PCDHA8: variants seen among roughly 807,000 people sequenced by gnomAD.
PCDHA8 encodes the protein protocadherin alpha 8.
In PCDHA8, 53 loss-of-function variants were observed where a neutral mutation model predicts 61.8. That is an observed-to-expected ratio of 0.86 (90% CI 0.69 to 1.08). PCDHA8 has a LOEUF of 1.08. PCDHA8 is among the 50% of genes least tolerant of loss of function. The pLI is 0.00. For synonymous variants in PCDHA8, 618 were observed against 556.6 expected, an observed-to-expected ratio of 1.11 and a Z score of -1.55; for missense variants, 1,293 against 1,245.0, an observed-to-expected ratio of 1.04 and a Z score of -0.58.
intron 1 of PCDHA8, chr5:140,882,780 G>T: frequency 1.2e-6 from 2 of 1,614,160 alleles, no homozygotes; most frequent in Non-Finnish European, 1.7e-6. Context: ...TTGACCTACC[G>T]ACTGGATCCC....
intron 1 of PCDHA8, chr5:140,876,882 G>C: frequency 1.2e-6 from 2 of 1,614,140 alleles, no homozygotes; most frequent in Non-Finnish European, 1.7e-6. Context: ...ACAACCCGCC[G>C]GGCTGCCACA....
chr5:140,946,997 C>A (rs2094069050), intron 1 of PCDHA8, among the ~76,000 whole-genome samples: 1 of 151,382 alleles, frequency 6.6e-6, no homozygotes. Context: ...GTTCTAACTT[C>A]AAAGAAATGA....
intron 1 of PCDHA8, among the ~76,000 whole-genome samples, chr5:140,978,653 G>T (rs527551897): frequency 6.6e-6 from 1 of 152,196 alleles, no homozygotes; most frequent in Non-Finnish European, 1.5e-5. Flanking sequence ...TGTTCTTCCC[G>T]TAGTGTTTTA....
intron 1 of PCDHA8, among the ~76,000 whole-genome samples, chr5:140,895,298 C>A (rs1208960325): frequency 6.6e-6 from 1 of 151,928 alleles, no homozygotes; most frequent in Non-Finnish European, 1.5e-5. Context: ...CCTTCGATTT[C>A]CCCCCTTCCA....
At chr5:140,870,941 C>A in intron 1 of PCDHA8, 1 of 1,613,712 alleles carries the variant, frequency 6.2e-7, no homozygotes, top group Non-Finnish European at 8.5e-7. Context: ...TTGCAGCCGG[C>A]GGCGGGCGGC....
chr5:141,000,385 C>CTA (rs2097909674), intron 3 of PCDHA8, among the ~76,000 whole-genome samples: 1 of 64,994 alleles, frequency 1.5e-5, no homozygotes, highest in Non-Finnish European at 2.9e-5. Context: ...CTCTCTCTCT[C>CTA]TCTCTCTCTC....
At chr5:141,008,712 T>G (rs1554261909) in intron 3 of PCDHA8, among the ~76,000 whole-genome samples, 1 of 152,210 alleles carries the variant, frequency 6.6e-6, no homozygotes, top group Non-Finnish European at 1.5e-5. Flanking sequence ...TCTAGTTGCT[T>G]GAGTGTATGT....
chr5:140,988,411 A>G (rs2097296392), intron 3 of PCDHA8, among the ~76,000 whole-genome samples: 1 of 152,144 alleles, frequency 6.6e-6, no homozygotes, highest in South Asian at 2.1e-4. Context: ...TTCGCAGCTT[A>G]TGTAAAGAAT....
chr5:140,850,685 C>G lies in PCDHA8; in HGVS notation c.2394+6970C>G, dbSNP rs1390345550. ...GGTGCTCGGCGATGCCCACCGAGGGCGAGTGCGCGCCTGGCAAGCCGACGC... is the reference window on the plus strand; with the variant it reads ...GGTGCTCGGCGATGCCCACCGAGGGGGAGTGCGCGCCTGGCAAGCCGACGC... On this transcript the variant is annotated intron_variant, in intron 1 of 3. Transcript: ENST00000531613. 25 of 1,598,270 alleles carry G rather than the reference C, an allele frequency of 1.6e-5. 2 individuals are homozygous for G. The highest frequency in any genetic ancestry group is 1.7e-4 in the Middle Eastern group (1 of 6,016).
intron 1 of PCDHA8, among the ~76,000 whole-genome samples, chr5:140,886,184 G>T (rs894479887): frequency 6.6e-6 from 1 of 151,966 alleles, no homozygotes; most frequent in Admixed American, 6.6e-5. Flanking sequence ...GCCTAATGCT[G>T]GCAAGCAGTA....
intron 1 of PCDHA8, chr5:140,966,689 G>A (rs1002366053): frequency 2.2e-6 from 3 of 1,343,650 alleles, no homozygotes; most frequent in Non-Finnish European, 2.9e-6. Context: ...GAGCGGAGGC[G>A]GGGCCCGGGC....
At chr5:140,998,095 CA>C (rs1482651958) in intron 3 of PCDHA8, among the ~76,000 whole-genome samples, 1 of 152,106 alleles carries the variant, frequency 6.6e-6, no homozygotes, top group Non-Finnish European at 1.5e-5. Flanking sequence ...AATGCTAGAG[CA>C]AACAGAGGAG....
At chr5:140,867,855 G>A (rs1340065029) in intron 1 of PCDHA8, 1 of 152,094 alleles carries the variant, frequency 6.6e-6, no homozygotes, top group South Asian at 2.1e-4. Context: ...TAGTTGAATT[G>A]TTTGATTAAT....
At chr5:140,956,985 A>G (rs1554222760) in intron 1 of PCDHA8, among the ~76,000 whole-genome samples, 2 of 152,224 alleles carry the variant, frequency 1.3e-5, no homozygotes, top group African/African-American at 2.4e-5. Flanking sequence ...AGTAAAATAA[A>G]TTCAAGGAAG....
At chr5:140,928,851 T>G (rs1554206396) in intron 1 of PCDHA8, 1 of 1,614,192 alleles carries the variant, frequency 6.2e-7, no homozygotes, top group Non-Finnish European at 8.5e-7. Flanking sequence ...TCACTCTGGG[T>G]GTGCTGTTGA....
intron 1 of PCDHA8, chr5:140,868,258 G>T (rs2153230939): frequency 6.6e-6 from 1 of 151,964 alleles, no homozygotes; most frequent in East Asian, 1.9e-4. Context: ...TTCCTTTGTG[G>T]ATTCTTTTTT....
Position 140,850,105 on chromosome 5 carries a change from C to T in PCDHA8, c.2394+6390C>T, listed in dbSNP as rs1554143759. 1.9e-6 allele frequency: 3 copies of T among 1,596,238 alleles called. No homozygotes were observed. In the East Asian group the frequency reaches 6.7e-5, roughly 36 times the overall value. ...GAGCTGCTACAGTTCCAGGTGAGCG[C>T]GCGCGACGCGGGCGTGCCGCCTCTG... On this transcript the variant is annotated intron_variant, in intron 1 of 3. Coordinates refer to ENST00000531613, the MANE Select transcript of PCDHA8 (RefSeq NM_018911.3).
At chr5:140,956,740 C>T in intron 1 of PCDHA8, among the ~76,000 whole-genome samples, 1 of 152,122 alleles carries the variant, frequency 6.6e-6, no homozygotes, top group East Asian at 1.9e-4. Context: ...CCTCTTTGTA[C>T]CTCTGATAGA....
intron 3 of PCDHA8, among the ~76,000 whole-genome samples, chr5:141,005,068 A>C (rs1314916800): frequency 6.6e-6 from 1 of 152,256 alleles, no homozygotes. Flanking sequence ...GCATTGTGCT[A>C]AGGATCAAGC....
Sources: gnomAD v4.1 joint callset for allele counts (sites outside exome capture counted in the v4.1 genomes callset) on GRCh38, gnomAD v4.1.1 for gene constraint, MANE v1.5 for transcripts, NCBI Gene and HGNC (gene_info 2026-07-23, HGNC 2026-07-21) for gene names.